The following RALYL variants were observed in gnomAD, a reference collection of about 807,000 sequenced individuals.
The protein encoded by RALYL is RALY RNA binding protein like, also known as RNA-binding Raly-like protein.
In RALYL, 29 loss-of-function variants were observed where a neutral mutation model predicts 35.1. That is an observed-to-expected ratio of 0.83 (90% CI 0.61 to 1.13). RALYL has a LOEUF of 1.13. Among genes scored for constraint, RALYL ranks in the 50% most tolerant of loss-of-function variants. RALYL has a pLI of 0.00. For synonymous variants in RALYL, 120 were observed against 127.6 expected, an observed-to-expected ratio of 0.94 and a Z score of 0.40; for missense variants, 359 against 360.4, an observed-to-expected ratio of 1.00 and a Z score of 0.03.
intron 1 of RALYL, among the ~76,000 whole-genome samples, chr8:84,333,127 T>G (rs1847145996): frequency 6.6e-6 from 1 of 152,182 alleles, no homozygotes; most frequent in Non-Finnish European, 1.5e-5. Context: ...TGTTTTTTAT[T>G]TTCCCTACCA....
intron 1 of RALYL, among the ~76,000 whole-genome samples, chr8:84,344,313 T>C (rs1849406135): frequency 6.6e-6 from 1 of 152,116 alleles, no homozygotes; most frequent in Admixed American, 6.5e-5. Flanking sequence ...GCTATCATCA[T>C]ACCTTTAAAC....
At chr8:84,784,562 AT>A (rs1467876385) in intron 3 of RALYL, among the ~76,000 whole-genome samples, 1 of 152,214 alleles carries the variant, frequency 6.6e-6, no homozygotes, top group Non-Finnish European at 1.5e-5. Flanking sequence ...TTATATAAAT[AT>A]TTTTAATGTT....
chr8:84,481,376 C>A (rs2054021798), intron 1 of RALYL, among the ~76,000 whole-genome samples: 1 of 152,130 alleles, frequency 6.6e-6, no homozygotes, highest in Non-Finnish European at 1.5e-5. Flanking sequence ...GTTACCCAGG[C>A]TGGAGTGCAA....
At chr8:84,287,451 T>C (rs117248357) in intron 1 of RALYL, among the ~76,000 whole-genome samples, 2 of 151,910 alleles carry the variant, frequency 1.3e-5, no homozygotes, top group Non-Finnish European at 2.9e-5. Context: ...AGTCATGATC[T>C]GAAATCCTCA....
At chr8:84,574,349 T>C (rs1808794831) in intron 2 of RALYL, among the ~76,000 whole-genome samples, 1 of 152,088 alleles carries the variant, frequency 6.6e-6, no homozygotes, top group Non-Finnish European at 1.5e-5. Flanking sequence ...TTGGCTGGCC[T>C]TCTGAAGTTT....
At chr8:84,601,141 T>C (rs1451458026) in intron 2 of RALYL, among the ~76,000 whole-genome samples, 1 of 152,146 alleles carries the variant, frequency 6.6e-6, no homozygotes, top group Non-Finnish European at 1.5e-5. Context: ...ATAGTTTTAA[T>C]ATTGATGCCA....
At chr8:84,898,169 TG>T (rs1845073311) in intron 8 of RALYL, among the ~76,000 whole-genome samples, 2 of 152,174 alleles carry the variant, frequency 1.3e-5, no homozygotes, top group Non-Finnish European at 2.9e-5. Context: ...TCATATCATG[TG>T]GAGTATTTGT....
At chr8:84,639,497 T>A (rs868386609) in intron 2 of RALYL, among the ~76,000 whole-genome samples, 1 of 152,000 alleles carries the variant, frequency 6.6e-6, no homozygotes, top group Non-Finnish European at 1.5e-5. Context: ...GTCTGACTCT[T>A]TTCTTGCTGT....
At chr8:84,623,368 C>T (rs1311449302) in intron 2 of RALYL, among the ~76,000 whole-genome samples, 9 of 152,192 alleles carry the variant, frequency 5.9e-5, no homozygotes, top group Middle Eastern at 3.4e-3. Flanking sequence ...CTTCAAAGGG[C>T]ATATCTTGAT....
At chr8:84,549,066 T>G (rs148242412) in intron 2 of RALYL, among the ~76,000 whole-genome samples, 2,553 of 152,288 alleles carry the variant, frequency 0.017, 78 homozygotes, top group African/African-American at 0.058. Flanking sequence ...GTTTGAACTG[T>G]CCTGTTCTCA....
intron 1 of RALYL, among the ~76,000 whole-genome samples, chr8:84,442,522 T>G (rs1163759658): frequency 1.3e-5 from 2 of 152,120 alleles, no homozygotes; most frequent in Non-Finnish European, 2.9e-5. Flanking sequence ...TAAGACCTAG[T>G]TCCTAACTTC....
intron 2 of RALYL, among the ~76,000 whole-genome samples, chr8:84,535,642 T>TTTATTTTATTTTATTTTATC (rs1357281833): frequency 5.7e-5 from 8 of 140,398 alleles, no homozygotes; most frequent in Non-Finnish European, 9.3e-5. Context: ...TTTATTTTAT[T>TTTATTTTATTTTATTTTATC]TTTTGTATTT....
chr8:84,533,849 G>A (rs779431935), intron 2 of RALYL, among the ~76,000 whole-genome samples: 1 of 152,194 alleles, frequency 6.6e-6, no homozygotes, highest in Non-Finnish European at 1.5e-5. Context: ...TCTTAGTAGA[G>A]AGGAAGATGT....
intron 2 of RALYL, among the ~76,000 whole-genome samples, chr8:84,734,942 A>G (rs1358156150): frequency 6.6e-6 from 1 of 151,998 alleles, no homozygotes; most frequent in African/African-American, 2.4e-5. Context: ...ACTGCTATAA[A>G]TCATGATTTA....
chr8:84,475,584 C>T (rs1398047425), intron 1 of RALYL, among the ~76,000 whole-genome samples: 1 of 151,910 alleles, frequency 6.6e-6, no homozygotes, highest in African/African-American at 2.4e-5. Context: ...AGACATACAC[C>T]AAAGAAAAGG....
intron 1 of RALYL, among the ~76,000 whole-genome samples, chr8:84,296,908 G>A (rs1285661004): frequency 1.3e-5 from 2 of 151,724 alleles, no homozygotes; most frequent in African/African-American, 4.8e-5. Flanking sequence ...TTTTTTTAAT[G>A]AGGTAAATGT....
At chr8:84,493,669 T>A (rs946836996) in intron 1 of RALYL, among the ~76,000 whole-genome samples, 5 of 152,218 alleles carry the variant, frequency 3.3e-5, no homozygotes, top group African/African-American at 1.2e-4. Flanking sequence ...TGATAAGTGC[T>A]GTTGAGTACT....
At chr8:84,620,910 G>A (rs10097928) in intron 2 of RALYL, among the ~76,000 whole-genome samples, 29,377 of 151,984 alleles carry the variant, frequency 0.19, 3,086 homozygotes, top group Non-Finnish European at 0.23. Context: ...CTGCTCGGGG[G>A]TCAGGGGACA....
At chr8:84,438,126 A>G (rs1396923201) in intron 1 of RALYL, among the ~76,000 whole-genome samples, 1 of 152,000 alleles carries the variant, frequency 6.6e-6, no homozygotes, top group Non-Finnish European at 1.5e-5. Flanking sequence ...TGCTTGTTGA[A>G]TTAACTTTCT....
Sources: allele counts gnomAD v4.1 joint callset (sites outside exome capture counted in the v4.1 genomes callset), GRCh38; gene constraint gnomAD v4.1.1; transcripts MANE v1.5; gene names NCBI Gene and HGNC (gene_info 2026-07-23, HGNC 2026-07-21).